Variants in DPP6 observed in about 807,000 individuals in gnomAD.
DPP6 encodes dipeptidyl peptidase like 6.
In DPP6, 69 loss-of-function variants were observed where a neutral mutation model predicts 122.6. The observed-to-expected ratio is 0.56, with a 90% CI of 0.46 to 0.69. The LOEUF (loss-of-function observed/expected upper bound fraction) is 0.69, where lower values mean the gene tolerates loss of function less well. Ranked by LOEUF, DPP6 falls within the 30% of genes least tolerant of loss-of-function variation. DPP6 has a pLI of 0.00. For missense variants in DPP6, 928 were observed against 1,116.9 expected (o/e 0.83, Z 2.41); for synonymous variants, 418 against 433.1 (o/e 0.97, Z 0.43).
chr7:154,857,389 C>T (rs1436524522), intron 17 of DPP6, among the ~76,000 whole-genome samples: 2 of 152,144 alleles, frequency 1.3e-5, no homozygotes, highest in Non-Finnish European at 2.9e-5. Flanking sequence ...CACATCATAG[C>T]TGCACGAATG....
chr7:154,834,075 AG>A (rs1247935888), intron 16 of DPP6, among the ~76,000 whole-genome samples: 1 of 152,170 alleles, frequency 6.6e-6, no homozygotes, highest in Non-Finnish European at 1.5e-5. Flanking sequence ...GTGCCTTGCC[AG>A]GGTGGGCGGA....
intron 1 of DPP6, among the ~76,000 whole-genome samples, chr7:154,165,196 C>T (rs1797185569): frequency 6.9e-6 from 1 of 145,204 alleles, no homozygotes; most frequent in Admixed American, 6.8e-5. Flanking sequence ...GTGATGTTCC[C>T]CTTCCTGTGT....
intron 1 of DPP6, among the ~76,000 whole-genome samples, chr7:153,975,595 T>TA (rs1554424347): frequency 8.6e-5 from 13 of 151,900 alleles, no homozygotes; most frequent in East Asian, 1.9e-4. Flanking sequence ...TTTTTTTTTT[T>TA]ACTTGGTAGA....
At chr7:154,060,380 C>T (rs1444924811) in intron 1 of DPP6, among the ~76,000 whole-genome samples, 5 of 129,226 alleles carry the variant, frequency 3.9e-5, no homozygotes, top group African/African-American at 1.5e-4. Flanking sequence ...CCCTGGTTCC[C>T]CCACTGGCTC....
intron 1 of DPP6, among the ~76,000 whole-genome samples, chr7:153,955,178 A>G (rs1802403585): frequency 2.0e-5 from 3 of 152,176 alleles, no homozygotes; most frequent in Admixed American, 2.0e-4. Flanking sequence ...GTAGGAAAAC[A>G]AGGGGTAGAT....
intron 6 of DPP6, among the ~76,000 whole-genome samples, chr7:154,651,106 A>G (rs772568392): frequency 1.3e-5 from 2 of 152,186 alleles, no homozygotes; most frequent in African/African-American, 2.4e-5. Flanking sequence ...GTACTGCACT[A>G]GCTTCCAGTA....
chr7:154,616,155 C>T (rs1287306120), intron 5 of DPP6, among the ~76,000 whole-genome samples: 2 of 152,124 alleles, frequency 1.3e-5, no homozygotes, highest in African/African-American at 2.4e-5. Context: ...GTCAGTCACC[C>T]CACTGAAAAG....
chr7:153,855,243 AAAAAG>A, the DPP6 span, among the ~76,000 whole-genome samples: 5 of 144,708 alleles, frequency 3.5e-5, no homozygotes, highest in East Asian at 4.0e-4. Flanking sequence ...TATAATAAAA[AAAAAG>A]AAATAATAAA....
At chr7:154,172,303 A>G (rs978894118) in intron 1 of DPP6, among the ~76,000 whole-genome samples, 6 of 152,202 alleles carry the variant, frequency 3.9e-5, no homozygotes, top group African/African-American at 1.4e-4. Context: ...AGAAAATATC[A>G]AGGAGCGATA....
chr7:154,196,362 C>T (rs1261786126), intron 1 of DPP6, among the ~76,000 whole-genome samples: 1 of 152,194 alleles, frequency 6.6e-6, no homozygotes, highest in South Asian at 2.1e-4. Context: ...CGTTGGTTCA[C>T]ACCTGTAATC....
intron 7 of DPP6, among the ~76,000 whole-genome samples, chr7:154,721,006 G>A (rs566425538): frequency 5.9e-5 from 9 of 152,344 alleles, no homozygotes; most frequent in Admixed American, 5.2e-4. Context: ...TGACAGGGAG[G>A]CATCCTTCCG....
intron 1 of DPP6, among the ~76,000 whole-genome samples, chr7:154,427,768 A>G (rs1818032739): frequency 6.6e-6 from 1 of 152,184 alleles, no homozygotes; most frequent in Non-Finnish European, 1.5e-5. Context: ...CTCTGTAACC[A>G]TTGCAGGGCC....
intron 1 of DPP6, among the ~76,000 whole-genome samples, chr7:153,966,504 C>G (rs1404896800): frequency 7.1e-6 from 1 of 141,808 alleles, no homozygotes; most frequent in South Asian, 2.5e-4. Flanking sequence ...TCATCTTCCT[C>G]TCCTCCTGCT....
chr7:154,189,465 G>C (rs1023965104), intron 1 of DPP6, among the ~76,000 whole-genome samples: 3 of 152,176 alleles, frequency 2.0e-5, no homozygotes, highest in African/African-American at 7.2e-5. Context: ...TCAGTTAGTG[G>C]TGTCCAAGGT....
Position 154,062,019 on chromosome 7 carries a change from G to T in DPP6, c.243+8956G>T, listed in dbSNP as rs1164044251. Reference sequence around the variant, plus strand: ...GCTGTTGGTACCCCCATCGCAGGGGGGGGGAGGCACCCCCCGCGAGGCAGG... The same window carrying T: ...GCTGTTGGTACCCCCATCGCAGGGGTGGGGAGGCACCCCCCGCGAGGCAGG... On this transcript the variant is annotated intron_variant, in intron 1 of 25. Transcript: ENST00000377770. 2.7e-4 allele frequency among the ~76,000 whole-genome samples: 36 copies of T among 131,078 alleles called. 2 individuals carry two copies. Among genetic ancestry groups the T allele is most frequent in the East Asian group, 2.2e-4 (1 of 4,536 alleles). 86.0% of individuals were successfully genotyped at this position (131,078 alleles called of 152,430 possible). A position where few individuals can be genotyped will look rare whatever the true frequency, so the allele number is the denominator to read the frequency against.
intron 8 of DPP6, among the ~76,000 whole-genome samples, chr7:154,742,076 G>A (rs1401962041): frequency 1.3e-5 from 2 of 152,164 alleles, no homozygotes; most frequent in East Asian, 1.9e-4. Flanking sequence ...CCCACCCAAC[G>A]GGGTACCTGA....
In DPP6 at chr7:154,225,183, A is replaced by C. The variant is rs1448940664; in HGVS notation, c.243+172120A>C. Among the ~76,000 whole-genome samples, 5 of 152,210 alleles carry C rather than the reference A, an allele frequency of 3.3e-5. 1 individual carries two copies. The highest frequency in any genetic ancestry group is 3.3e-4 in the Admixed American group (5 of 15,288). On this transcript the variant is annotated intron_variant, in intron 1 of 25. Transcript: ENST00000377770. Reference sequence around the variant, plus strand: ...TAAATAAAAATAAATAAATAAAAACATACTGATTTCAGAGTAAGCATATCA... The same window carrying C: ...TAAATAAAAATAAATAAATAAAAACCTACTGATTTCAGAGTAAGCATATCA...
At chr7:154,260,449 C>T (rs1802938105) in intron 1 of DPP6, among the ~76,000 whole-genome samples, 4 of 151,998 alleles carry the variant, frequency 2.6e-5, no homozygotes. Context: ...CCCCTTTCCA[C>T]TCTTTCCTCC....
At chr7:154,654,254 T>C (rs1180045690) in intron 6 of DPP6, among the ~76,000 whole-genome samples, 1 of 152,050 alleles carries the variant, frequency 6.6e-6, no homozygotes, top group African/African-American at 2.4e-5. Context: ...CAAGGATGAC[T>C]GTGCTCATAT....
Sources: gnomAD v4.1 joint callset for allele counts (sites outside exome capture counted in the v4.1 genomes callset) on GRCh38, gnomAD v4.1.1 for gene constraint, MANE v1.5 for transcripts, NCBI Gene and HGNC (gene_info 2026-07-23, HGNC 2026-07-21) for gene names.